Variants in SEMA6A observed in about 807,000 individuals in gnomAD.
The protein encoded by SEMA6A is semaphorin-6A.
A neutral mutation model predicts 96.8 loss-of-function variants in SEMA6A; 25 were observed. The ratio of observed to expected loss-of-function variants is 0.26; its 90% CI spans 0.19 to 0.36. SEMA6A has a LOEUF of 0.36. Among genes scored for constraint, SEMA6A ranks in the 10% least tolerant of loss-of-function variants. The probability of loss-of-function intolerance (pLI) is 1.00; values close to 1 mark genes in which losing one functional copy is unlikely to be tolerated. For synonymous variants in SEMA6A, 612 were observed against 518.0 expected (o/e 1.18, Z -2.46); for missense variants, 1,363 against 1,323.1 (o/e 1.03, Z -0.47).
intron 17 of SEMA6A, chr5:116,469,305 T>C (rs555895004): frequency 1.3e-5 from 2 of 152,336 alleles, no homozygotes; most frequent in African/African-American, 4.8e-5. Context: ...TATTCTAGAC[T>C]TTTTGTTTTT....
intron 18 of SEMA6A, among the ~76,000 whole-genome samples, chr5:116,453,949 A>G (rs564690909): frequency 6.6e-6 from 1 of 152,234 alleles, no homozygotes; most frequent in African/African-American, 2.4e-5. Flanking sequence ...GAAGAGCTCT[A>G]CTCACCCCCA....
At chr5:116,498,010 G>A (rs76598693) in intron 3 of SEMA6A, among the ~76,000 whole-genome samples, 1 of 152,132 alleles carries the variant, frequency 6.6e-6, no homozygotes, top group African/African-American at 2.4e-5. Flanking sequence ...TCACCTTCCT[G>A]TTTTGCTGAG....
chr5:116,453,229 G>A (rs563432882), intron 18 of SEMA6A, among the ~76,000 whole-genome samples: 4 of 152,226 alleles, frequency 2.6e-5, no homozygotes, highest in African/African-American at 9.6e-5. Context: ...TCTCATACAG[G>A]CTGTTCTCTC....
chr5:116,500,788 T>G (rs2112763105), intron 3 of SEMA6A, among the ~76,000 whole-genome samples: 1 of 152,216 alleles, frequency 6.6e-6, no homozygotes, highest in South Asian at 2.1e-4. Flanking sequence ...GTGGACCACT[T>G]GAAGGTCAGG....
chr5:116,485,973 G>T (rs979756104), intron 10 of SEMA6A, among the ~76,000 whole-genome samples: 2 of 152,150 alleles, frequency 1.3e-5, no homozygotes, highest in Admixed American at 1.3e-4. Context: ...ACAATTACCA[G>T]TGCATCATTT....
At chr5:116,488,047 A>T in intron 9 of SEMA6A, 61 bp downstream of exon 9, 1 of 1,098,256 alleles carries the variant, frequency 9.1e-7, no homozygotes, top group Admixed American at 2.0e-5. Flanking sequence ...ACAACATTTG[A>T]CCAAAGGTGT....
chr5:116,482,153 C>T (rs978104314), intron 11 of SEMA6A, among the ~76,000 whole-genome samples: 1 of 152,170 alleles, frequency 6.6e-6, no homozygotes, highest in African/African-American at 2.4e-5. Flanking sequence ...ATACCCTTTA[C>T]CTCTCCAGGC....
At chr5:116,535,784 C>T (rs138931490) in intron 1 of SEMA6A, among the ~76,000 whole-genome samples, 1 of 152,206 alleles carries the variant, frequency 6.6e-6, no homozygotes, top group African/African-American at 2.4e-5. Context: ...TTTTGTAAAA[C>T]AGATTACACC....
At chr5:116,538,298 G>A (rs1759814527) in intron 1 of SEMA6A, among the ~76,000 whole-genome samples, 1 of 151,950 alleles carries the variant, frequency 6.6e-6, no homozygotes, top group South Asian at 2.1e-4. Context: ...AGTTTTTTTT[G>A]CAATGATAGG....
rs1438644804 is a variant in SEMA6A at position 116,488,097 on chromosome 5, TC to T, written c.744+10del. On this transcript the variant is annotated intron_variant, in intron 9 of 18. Transcript: ENST00000343348. The stretch of plus-strand genomic sequence containing the variant: ...GTTACAAACTGAGCCAAGGACAGCA[TC>T]CCCTCTTACCTTTCCCATGGTGTTA... 1.3e-6 allele frequency: 2 copies of T among 1,555,788 alleles called. No individual in the cohort carries two copies. Among genetic ancestry groups the T allele is most frequent in the Admixed American group, 3.4e-5 (2 of 59,260 alleles).
intron 1 of SEMA6A, among the ~76,000 whole-genome samples, chr5:116,572,097 G>T (rs1269889145): frequency 6.6e-6 from 1 of 152,100 alleles, no homozygotes; most frequent in Non-Finnish European, 1.5e-5. Flanking sequence ...TCCCATCCTG[G>T]CAAGACTTAA....
At chr5:116,543,812 G>A (rs1006582959) in intron 1 of SEMA6A, among the ~76,000 whole-genome samples, 5 of 152,198 alleles carry the variant, frequency 3.3e-5, no homozygotes, top group African/African-American at 9.6e-5. Flanking sequence ...AAGCCTCAGT[G>A]CTCCTGACCA....
chr5:116,505,540 G>A (rs1205422336), intron 1 of SEMA6A, among the ~76,000 whole-genome samples: 2 of 151,604 alleles, frequency 1.3e-5, no homozygotes, highest in Non-Finnish European at 2.9e-5. Flanking sequence ...TCTTAATTGA[G>A]ATATTCACCC....
chr5:116,480,382 A>G, intron 11 of SEMA6A, 105 bp from the exon 12 acceptor site: 4 of 1,359,814 alleles, frequency 2.9e-6, no homozygotes, highest in African/African-American at 2.9e-5. Flanking sequence ...AGGAGAATGT[A>G]CTGCAGCCTG....
chr5:116,522,502 A>G (rs1759004863), intron 1 of SEMA6A, among the ~76,000 whole-genome samples: 1 of 152,210 alleles, frequency 6.6e-6, no homozygotes, highest in African/African-American at 2.4e-5. Flanking sequence ...TCTGTGATGC[A>G]GATGGATGTA....
chr5:116,450,658 T>G (rs1013938061), intron 18 of SEMA6A, among the ~76,000 whole-genome samples: 3 of 152,228 alleles, frequency 2.0e-5, no homozygotes, highest in Non-Finnish European at 2.9e-5. Flanking sequence ...ACAAGTTAAG[T>G]AGGATCTGAC....
chr5:116,541,532 CTAAT>C (rs1473408242), intron 1 of SEMA6A, among the ~76,000 whole-genome samples: 3 of 152,104 alleles, frequency 2.0e-5, no homozygotes, highest in South Asian at 2.1e-4. Context: ...AGTTCAAAGA[CTAAT>C]TAATAGTTAG....
Position 116,491,747 on chromosome 5 carries a change from C to T in SEMA6A, c.528G>A (p.Leu176=), listed in dbSNP as rs1033173364. 2 of 1,613,288 alleles carry T rather than the reference C, an allele frequency of 1.2e-6. No individual in the cohort carries two copies. Among genetic ancestry groups the T allele is most frequent in the Admixed American group, 1.7e-5 (1 of 59,956 alleles). Residue 176 remains leucine, a synonymous_variant, in exon 7 of 19, where the codon CTG becomes CTA. Coordinates refer to ENST00000343348, the MANE Select transcript of SEMA6A (RefSeq NM_020796.5). ...PYDAKHANVA[L]FADGKLYSAT... ...AGAAATCAGGTCGCTTACCTGCAAA[C>T]AGTGCAACGTTGGCATGTTTGGCAT...
At chr5:116,549,734 A>G (rs886829893) in intron 1 of SEMA6A, among the ~76,000 whole-genome samples, 1 of 152,212 alleles carries the variant, frequency 6.6e-6, no homozygotes, top group Admixed American at 6.5e-5. Flanking sequence ...TACTCTTTAT[A>G]CAAAATTCAC....
Sources: allele counts gnomAD v4.1 joint callset (sites outside exome capture counted in the v4.1 genomes callset), GRCh38; gene constraint gnomAD v4.1.1; transcripts MANE v1.5; gene names NCBI Gene and HGNC (gene_info 2026-07-23, HGNC 2026-07-21).